Variants in RRP12 observed in about 807,000 individuals in gnomAD.
RRP12 encodes ribosomal RNA processing 12 homolog, also known as RRP12-like protein.
Under a neutral mutation model 157.3 loss-of-function variants are expected in RRP12, and 78 were observed. The ratio of observed to expected loss-of-function variants is 0.50; its 90% CI spans 0.41 to 0.60. RRP12 has a LOEUF of 0.60. RRP12 is among the 20% of genes least tolerant of loss of function. The pLI, the probability that RRP12 is intolerant of heterozygous loss-of-function variation, is 0.00. For missense variants in RRP12, 1,521 were observed against 1,679.9 expected (o/e 0.91, Z 1.65); for synonymous variants, 726 against 670.9 (o/e 1.08, Z -1.27).
chr10:97,358,623 C>T lies in RRP12; in HGVS notation c.3709-4G>A, dbSNP rs1346944701. The T allele has an allele frequency of 1.2e-6, 2 of 1,612,328 alleles. No homozygotes were observed. Among genetic ancestry groups the T allele is most frequent in the Non-Finnish European group, 1.7e-6 (2 of 1,178,562 alleles). ...TCTTCACATCACCTTTTGCTTTCTG[C>T]TTGCCCAGAGAAACAGAGTCAGCTA... On this transcript the variant is annotated splice_region_variant and splice_polypyrimidine_tract_variant and intron_variant, in intron 32 of 33. Coordinates refer to ENST00000370992, the MANE Select transcript of RRP12 (RefSeq NM_015179.4).
intron 19 of RRP12, 103 bp downstream of exon 19, chr10:97,372,633 C>T (rs1310767250): frequency 1.1e-5 from 10 of 937,446 alleles, no homozygotes. Context: ...TACTTCAAGG[C>T]TTCCTTAAAT....
Position 97,381,783 on chromosome 10 carries a change from C to CA in RRP12, c.1251dup (p.Gly418TrpfsTer36). 1 of 1,613,980 alleles carries CA rather than the reference C, an allele frequency of 6.2e-7. No individual in the cohort carries two copies. Among genetic ancestry groups the CA allele is most frequent in the Non-Finnish European group, 8.5e-7 (1 of 1,179,968 alleles). On this transcript the variant is annotated frameshift_variant, in exon 11 of 34. Transcript: ENST00000370992. LOFTEE classifies it high-confidence loss of function. ...GAAAGGAGGCAGGTCACCGCAGTTCCAAAAAAGCGAGGGAGGTGGCCTAGC... is the reference window on the plus strand; with the variant it reads ...GAAAGGAGGCAGGTCACCGCAGTTCCAAAAAAAGCGAGGGAGGTGGCCTAGC...
At chr10:97,395,545 C>T (rs1844935805) in intron 3 of RRP12, among the ~76,000 whole-genome samples, 1 of 135,080 alleles carries the variant, frequency 7.4e-6, no homozygotes, top group Admixed American at 7.9e-5. Flanking sequence ...GAGTGAGACT[C>T]TGTTTCAAAA....
At position 97,365,926 on chromosome 10, in the gene RRP12, C is replaced by T. The variant is rs376547532; in HGVS notation, c.3517+182G>A. 1.1e-4 allele frequency: 81 copies of T among 748,528 alleles called. 1 individual carries two copies. In the East Asian group the frequency reaches 1.4e-3, roughly 13 times the overall value. The allele number at this position is 748,528 out of a possible 1,614,324, so 46.4% of individuals were successfully genotyped here. A position where few individuals can be genotyped will look rare whatever the true frequency, so the allele number is the denominator to read the frequency against. On this transcript the variant is annotated intron_variant, in intron 29 of 33. Transcript: ENST00000370992. Reference sequence around the variant, plus strand: ...TTAAATATGTATTGTATAAATGGCTCGGTTACAACATAAAAAGATTTCTTA... The same window carrying T: ...TTAAATATGTATTGTATAAATGGCTTGGTTACAACATAAAAAGATTTCTTA...
Position 97,360,686 on chromosome 10 carries a change from G to A in RRP12, c.3568-68C>T. On this transcript the variant is annotated intron_variant, in intron 30 of 33. Transcript: ENST00000370992. ...GTGCCCACCCTCGGGAATGCCAACA[G>A]TAACAGCAGAGTACCCTGCATCAAG... 4.3e-6 allele frequency: 5 copies of A among 1,172,430 alleles called. No homozygotes were observed. In the South Asian group the frequency reaches 6.1e-5, roughly 14 times the overall value. The allele number at this position is 1,172,430 out of a possible 1,614,324, so 72.6% of individuals were successfully genotyped here.
intron 4 of RRP12, 26 bp downstream of exon 4, chr10:97,393,658 G>C: frequency 6.3e-7 from 1 of 1,597,204 alleles, no homozygotes; most frequent in Non-Finnish European, 8.6e-7. Flanking sequence ...AAAAGCCTTG[G>C]GGTTCAAACA....
At chr10:97,374,881 G>C (rs1379241792) in intron 15 of RRP12, among the ~76,000 whole-genome samples, 1 of 151,764 alleles carries the variant, frequency 6.6e-6, no homozygotes, top group African/African-American at 2.4e-5. Flanking sequence ...AGTACTATGT[G>C]GTAGTCTGTA....
In RRP12 at chr10:97,371,001, G is replaced by A; in HGVS notation, c.2424C>T (p.Leu808=). The A allele has an allele frequency of 1.2e-6, 2 of 1,613,946 alleles. No individual in the cohort carries two copies. The highest frequency in any genetic ancestry group is 1.1e-5 in the South Asian group (1 of 91,062). ...GGTCCTCCAGGTGGCTCTGCACGAA[G>A]AGGGCCCCGGGGCCCTGAGGACTGG... The part of the protein sequence containing the change: ...VCASPQGPGA[L]FVQSHLEDLK... Residue 808 remains leucine, a synonymous_variant, in exon 21 of 34, where the codon CTC becomes CTT. Transcript: ENST00000370992.
At chr10:97,360,715 G>C in intron 30 of RRP12, 97 bp from the exon 31 acceptor site, 2 of 907,714 alleles carry the variant, frequency 2.2e-6, no homozygotes, top group Non-Finnish European at 3.7e-6. Context: ...CATCAAGCAG[G>C]AGAGGCCCTC....
intron 30 of RRP12, 21 bp from the exon 31 acceptor site, chr10:97,360,639 G>A (rs1209994700): frequency 6.3e-7 from 1 of 1,597,140 alleles, no homozygotes; most frequent in East Asian, 2.2e-5. Context: ...AGAATAGGTG[G>A]GTAGTGAGTG....
At chr10:97,366,688 G>A in intron 27 of RRP12, 54 bp downstream of exon 27, 1 of 1,600,464 alleles carries the variant, frequency 6.2e-7, no homozygotes, top group Non-Finnish European at 8.5e-7. Flanking sequence ...TATTGCCTGG[G>A]CAGGCCCTTG....
At position 97,373,576 on chromosome 10, in the gene RRP12, T is replaced by C; in HGVS notation, c.2025A>G (p.Ala675=). 2 of 1,597,270 alleles carry C rather than the reference T, an allele frequency of 1.3e-6. No individual in the cohort carries two copies. Among genetic ancestry groups the C allele is most frequent in the Non-Finnish European group, 1.7e-6 (2 of 1,169,472 alleles). Residue 675 remains alanine (A), a splice_region_variant and synonymous_variant, in exon 17 of 34, where the codon GCA becomes GCG. Coordinates refer to ENST00000370992, the MANE Select transcript of RRP12 (RefSeq NM_015179.4). ...CCCACTCCCACAGCCCACACGTACC[T>C]GCCTGGCAGCCCTTGGTGATGAGGG... The part of the protein sequence containing the change: ...LRTLITKGCQ[A]EADRAEVSRF...
rs745688483 is a variant in RRP12 at position 97,370,534 on chromosome 10, C to T, written c.2610G>A (p.Ser870=). The T allele has an allele frequency of 8.7e-6, 14 of 1,611,118 alleles. No homozygotes were observed. The highest frequency in any genetic ancestry group is 2.2e-5 in the East Asian group (1 of 44,866). ...PEVILCTKEV[S]VGARKNAFAL... The stretch of plus-strand genomic sequence containing the variant: ...CAAAAGCGTTCTTCCGTGCGCCCAC[C>T]GACACCTCCTTGGTGCACAGGATCA... The change falls in exon 23 of 34, where the codon TCG becomes TCA. Residue 870 remains serine, a synonymous_variant. Transcript: ENST00000370992.
intron 8 of RRP12, among the ~76,000 whole-genome samples, chr10:97,387,825 C>G (rs2133082697): frequency 6.6e-6 from 1 of 151,372 alleles, no homozygotes. Context: ...GCCTGTAATC[C>G]CAGCTACTTG....
chr10:97,384,713 A>G lies in RRP12; in HGVS notation c.1208+453T>C, dbSNP rs113703996. Reference sequence around the variant, plus strand: ...GAAGGCCCTAAGTACTCCCAACCTCAGCAGCCTGGACGGAGACCCTGAGGA... The same window carrying G: ...GAAGGCCCTAAGTACTCCCAACCTCGGCAGCCTGGACGGAGACCCTGAGGA... On this transcript the variant is annotated intron_variant, in intron 10 of 33. Coordinates refer to ENST00000370992, the MANE Select transcript of RRP12 (RefSeq NM_015179.4). Among the ~76,000 whole-genome samples, 6 of 134,552 alleles carry G rather than the reference A, an allele frequency of 4.5e-5. No individual in the cohort carries two copies. In the South Asian group the frequency reaches 7.6e-4, roughly 17 times the overall value. The allele number at this position is 134,552 out of a possible 152,430, so 88.3% of individuals were successfully genotyped here. A position where few individuals can be genotyped will look rare whatever the true frequency, so the allele number is the denominator to read the frequency against.
In RRP12 at chr10:97,367,476, C is replaced by T. The variant is rs748597495; in HGVS notation, c.2956-344G>A. 4.3e-4 allele frequency: 135 copies of T among 314,320 alleles called. No individual in the cohort carries two copies. In the Middle Eastern group the frequency reaches 8.1e-3, roughly 19 times the overall value. The allele number at this position is 314,320 out of a possible 1,614,324, so 19.5% of individuals were successfully genotyped here. Reference sequence around the variant, plus strand: ...CCCCTATTTATAGAAGAGGACACGGCGGCACAGAGGATAAAGTGTTTGCTA... The same window carrying T: ...CCCCTATTTATAGAAGAGGACACGGTGGCACAGAGGATAAAGTGTTTGCTA... On this transcript the variant is annotated intron_variant, in intron 25 of 33. Transcript: ENST00000370992.
intron 15 of RRP12, among the ~76,000 whole-genome samples, chr10:97,376,078 G>A (rs551563935): frequency 2.0e-3 from 299 of 151,464 alleles, no homozygotes; most frequent in Middle Eastern, 3.4e-3. Flanking sequence ...ACTCCAGCTT[G>A]GGCAACAGAG....
intron 1 of RRP12, 26 bp from the exon 2 acceptor site, chr10:97,400,560 G>A: frequency 1.3e-6 from 2 of 1,582,368 alleles, no homozygotes; most frequent in Non-Finnish European, 8.7e-7. Context: ...ACAAGATAAG[G>A]TCCAAGCCTC....
chr10:97,386,377 CAG>C (rs1844633363), intron 8 of RRP12, among the ~76,000 whole-genome samples: 1 of 149,516 alleles, frequency 6.7e-6, no homozygotes, highest in African/African-American at 2.5e-5. Flanking sequence ...TTTATAAAGA[CAG>C]AGTCTCGTCT....
Sources: gnomAD v4.1 joint callset for allele counts (sites outside exome capture counted in the v4.1 genomes callset) on GRCh38, gnomAD v4.1.1 for gene constraint, MANE v1.5 for transcripts, NCBI Gene and HGNC (gene_info 2026-07-23, HGNC 2026-07-21) for gene names.